NEDD4L: variants seen among roughly 807,000 people sequenced by gnomAD.
NEDD4L encodes NEDD4 like E3 ubiquitin protein ligase.
Under a neutral mutation model 148.9 loss-of-function variants are expected in NEDD4L, and 54 were observed. That is an observed-to-expected ratio of 0.36 (90% CI 0.29 to 0.45). The LOEUF (loss-of-function observed/expected upper bound fraction) is 0.45. NEDD4L is among the 20% of genes least tolerant of loss of function. NEDD4L has a pLI of 1.00. For synonymous variants in NEDD4L, 433 were observed against 440.7 expected (o/e 0.98, Z 0.22); for missense variants, 856 against 1,233.8 (o/e 0.69, Z 4.59).
chr18:58,125,662 G>A (rs762848660), intron 1 of NEDD4L, among the ~76,000 whole-genome samples: 39 of 152,102 alleles, frequency 2.6e-4, no homozygotes, highest in Admixed American at 1.2e-3. Context: ...AATTTGGACC[G>A]CAAATGCCAG....
intron 1 of NEDD4L, among the ~76,000 whole-genome samples, chr18:58,098,379 TC>T (rs2084553598): frequency 6.6e-6 from 1 of 152,166 alleles, no homozygotes; most frequent in African/African-American, 2.4e-5. Context: ...GCCCGTCTGT[TC>T]CTGCCTTTAC....
At chr18:58,121,323 A>G (rs1376103483) in intron 1 of NEDD4L, among the ~76,000 whole-genome samples, 1 of 152,220 alleles carries the variant, frequency 6.6e-6, no homozygotes, top group Non-Finnish European at 1.5e-5. Context: ...AACTACCTAC[A>G]GAATTCAGTG....
At chr18:58,198,702 C>G (rs536558474) in intron 2 of NEDD4L, among the ~76,000 whole-genome samples, 3 of 152,246 alleles carry the variant, frequency 2.0e-5, no homozygotes, top group Admixed American at 2.0e-4. Context: ...ATTTGAATTC[C>G]TTGTTTCTAG....
At chr18:58,055,183 C>G (rs1401501298) in intron 1 of NEDD4L, among the ~76,000 whole-genome samples, 1 of 152,136 alleles carries the variant, frequency 6.6e-6, no homozygotes, top group Non-Finnish European at 1.5e-5. Flanking sequence ...GGGCTAGGCA[C>G]AGTGGCTCAC....
At chr18:58,343,625 T>C (rs1344368062) in intron 16 of NEDD4L, among the ~76,000 whole-genome samples, 1 of 152,096 alleles carries the variant, frequency 6.6e-6, no homozygotes, top group Non-Finnish European at 1.5e-5. Context: ...GTGACTTTGG[T>C]TGTAGATCTG....
At chr18:58,198,725 C>T (rs768371831) in intron 2 of NEDD4L, among the ~76,000 whole-genome samples, 2 of 152,186 alleles carry the variant, frequency 1.3e-5, no homozygotes, top group Non-Finnish European at 2.9e-5. Context: ...AGTTATTAAA[C>T]CTATACATTA....
At chr18:58,184,322 C>T (rs960268139) in intron 2 of NEDD4L, among the ~76,000 whole-genome samples, 1 of 149,630 alleles carries the variant, frequency 6.7e-6, no homozygotes, top group Admixed American at 6.7e-5. Context: ...TCCTCTCCTG[C>T]TCTTGGTTTC....
intron 1 of NEDD4L, among the ~76,000 whole-genome samples, chr18:58,162,263 C>T (rs1197311348): frequency 6.6e-6 from 1 of 152,078 alleles, no homozygotes; most frequent in Non-Finnish European, 1.5e-5. Flanking sequence ...GGATAATGTT[C>T]ACCCTCTCCT....
chr18:58,195,784 A>G, intron 2 of NEDD4L: 1 of 1,136,584 alleles, frequency 8.8e-7, no homozygotes, highest in Non-Finnish European at 1.2e-6. Context: ...TAGTGCCCAC[A>G]GCATCAGGAG....
intron 5 of NEDD4L, among the ~76,000 whole-genome samples, chr18:58,306,730 A>G (rs1046457274): frequency 9.2e-5 from 14 of 152,012 alleles, no homozygotes; most frequent in African/African-American, 3.1e-4. Context: ...GGTTCAAGCA[A>G]TTCTCCTGCC....
At chr18:58,218,181 A>G (rs900412460) in intron 2 of NEDD4L, among the ~76,000 whole-genome samples, 15 of 152,296 alleles carry the variant, frequency 9.8e-5, no homozygotes, top group African/African-American at 3.4e-4. Flanking sequence ...CTGTTTTTAT[A>G]TACTTCCTTT....
At chr18:58,228,139 G>A (rs1204747995) in intron 2 of NEDD4L, among the ~76,000 whole-genome samples, 1 of 152,184 alleles carries the variant, frequency 6.6e-6, no homozygotes, top group Non-Finnish European at 1.5e-5. Flanking sequence ...GCCCTGTAAA[G>A]CAACCTTTGT....
chr18:58,352,286 CTATT>C (rs1395167783), intron 18 of NEDD4L, among the ~76,000 whole-genome samples: 1 of 152,074 alleles, frequency 6.6e-6, no homozygotes, highest in African/African-American at 2.4e-5. Flanking sequence ...CCTTAATATA[CTATT>C]TATTTATTGT....
In NEDD4L at chr18:58,370,249, CCTCGCT is replaced by C. The variant is rs1258444396; in HGVS notation, c.2186-147_2186-142del. 4.8e-6 allele frequency: 3 copies of C among 629,750 alleles called. No individual in the cohort carries two copies. In the Admixed American group the frequency reaches 7.5e-5, roughly 16 times the overall value. The allele number at this position is 629,750 out of a possible 1,614,324, so 39.0% of individuals were successfully genotyped here. ...TGCCACTCTCCCCCTGATCTCGCCT[CCTCGCT>C]TGTGCAATACTGTAGAAGGCCCTTG... is the stretch of plus-strand genomic sequence containing the variant. On this transcript the variant is annotated intron_variant, in intron 22 of 30. Transcript: ENST00000400345.
chr18:58,062,624 C>T (rs1400251911), intron 1 of NEDD4L, among the ~76,000 whole-genome samples: 1 of 152,140 alleles, frequency 6.6e-6, no homozygotes, highest in African/African-American at 2.4e-5. Context: ...GCGGCTGCTG[C>T]TTTTCAGATC....
intron 10 of NEDD4L, among the ~76,000 whole-genome samples, chr18:58,329,707 G>A (rs907876327): frequency 6.7e-6 from 1 of 150,136 alleles, no homozygotes; most frequent in Admixed American, 6.7e-5. Context: ...CACCATGTTG[G>A]CCAGGCTGGT....
chr18:58,066,858 A>G (rs1417184799), intron 1 of NEDD4L, among the ~76,000 whole-genome samples: 1 of 152,046 alleles, frequency 6.6e-6, no homozygotes, highest in Admixed American at 6.6e-5. Context: ...ACTCACTATC[A>G]CGAGAGCAAC....
intron 2 of NEDD4L, among the ~76,000 whole-genome samples, chr18:58,179,681 A>G (rs1167273927): frequency 6.6e-6 from 1 of 151,792 alleles, no homozygotes; most frequent in Non-Finnish European, 1.5e-5. Context: ...CATGTGAGGG[A>G]TCTAGGTTGC....
chr18:58,131,067 T>C (rs1448628146), intron 1 of NEDD4L, among the ~76,000 whole-genome samples: 3 of 139,732 alleles, frequency 2.1e-5, no homozygotes, highest in Non-Finnish European at 3.1e-5. Flanking sequence ...AGTGGAACTG[T>C]GGCAGTGTTG....
Sources: allele counts gnomAD v4.1 joint callset (sites outside exome capture counted in the v4.1 genomes callset), GRCh38; gene constraint gnomAD v4.1.1; transcripts MANE v1.5; gene names NCBI Gene and HGNC (gene_info 2026-07-23, HGNC 2026-07-21).